Variants in SYMPK observed in about 807,000 individuals in gnomAD.
SYMPK encodes symplekin scaffold protein.
A neutral mutation model predicts 136.4 loss-of-function variants in SYMPK; 49 were observed. That is an observed-to-expected ratio of 0.36 (90% CI 0.29 to 0.46). The LOEUF (loss-of-function observed/expected upper bound fraction) is 0.46. Ranked by LOEUF, SYMPK falls within the 20% of genes least tolerant of loss-of-function variation. SYMPK has a pLI of 1.00. For synonymous variants in SYMPK, 766 were observed against 713.0 expected (o/e 1.07, Z -1.19); for missense variants, 1,365 against 1,690.0 (o/e 0.81, Z 3.37).
chr19:45,859,953 TAAA>T (rs61203536), intron 1 of SYMPK, among the ~76,000 whole-genome samples: 16 of 85,664 alleles, frequency 1.9e-4, no homozygotes, highest in African/African-American at 3.2e-4. Flanking sequence ...AGACTCCATC[TAAA>T]AAAAAAAAAA....
At chr19:45,851,202 G>A (rs533559489) in intron 5 of SYMPK, among the ~76,000 whole-genome samples, 11 of 152,282 alleles carry the variant, frequency 7.2e-5, no homozygotes, top group African/African-American at 2.2e-4. Flanking sequence ...AAATGAGTGC[G>A]GTGATTCCTC....
In SYMPK at chr19:45,829,221, G is replaced by T; in HGVS notation, c.1750-16C>A. The T allele has an allele frequency of 6.2e-7, 1 of 1,608,862 alleles. No individual in the cohort carries two copies. Among genetic ancestry groups the T allele is most frequent in the Admixed American group, 1.7e-5 (1 of 59,946 alleles). On this transcript the variant is annotated splice_polypyrimidine_tract_variant and intron_variant, in intron 13 of 26. Coordinates refer to ENST00000245934, the MANE Select transcript of SYMPK (RefSeq NM_004819.3). ...TTATGCGGACCTGGTGGGAGGGTGA[G>T]CCAGCATGTCAGTGTAGGGTGGGCA...
intron 7 of SYMPK, among the ~76,000 whole-genome samples, chr19:45,846,088 T>G (rs1261591307): frequency 2.0e-5 from 3 of 152,132 alleles, no homozygotes; most frequent in African/African-American, 7.2e-5. Flanking sequence ...TACAAAAAAT[T>G]AGCCGGGCGT....
rs141894331 is a variant in SYMPK at position 45,822,115 on chromosome 19, C to CTT, written c.2792-632_2792-631dup. ...TTTTTCTAAGTTGAAAGTTTTGCTT[C>CTT]TTTTTTTTTTTTTTTTTTTTTGAGA... On this transcript the variant is annotated intron_variant, in intron 21 of 26. Transcript: ENST00000245934. 2.3e-3 allele frequency among the ~76,000 whole-genome samples: 202 copies of CTT among 86,078 alleles called. 2 individuals are homozygous for CTT. The highest frequency in any genetic ancestry group is 4.8e-3 in the African/African-American group (104 of 21,764). The allele number at this position is 86,078 out of a possible 152,430, so 56.5% of individuals were successfully genotyped here.
At chr19:45,816,617 G>T in intron 24 of SYMPK, 40 bp from the exon 25 acceptor site, 1 of 1,611,662 alleles carries the variant, frequency 6.2e-7, no homozygotes. Context: ...GGGCAGCTCT[G>T]GCACAGAGAC....
At position 45,847,975 on chromosome 19, in the gene SYMPK, G is replaced by A. The variant is rs561782567; in HGVS notation, c.453C>T (p.Ser151=). ...LQWMVKSRVI[S]ELQEACWDMV... ...TGTCCCAGCAGGCCTCCTGTAGCTC[G>A]CTAATGACCCGTGACTTTACCATCC... Residue 151 remains serine (S), a synonymous_variant, in exon 7 of 27, where the codon AGC becomes AGT. Coordinates refer to ENST00000245934, the MANE Select transcript of SYMPK (RefSeq NM_004819.3). The A allele has an allele frequency of 1.4e-5, 23 of 1,600,144 alleles. No homozygotes were observed. Among genetic ancestry groups the A allele is most frequent in the South Asian group, 5.6e-5 (5 of 89,428 alleles).
At position 45,815,804 on chromosome 19, in the gene SYMPK, G is replaced by A. The variant is rs748269342; in HGVS notation, c.3687+47C>T. ...GCCCCTCCTCCCCCACCTTCACCCC[G>A]GCCCAGATCCGGCTTCTTCCTTCGC... On this transcript the variant is annotated intron_variant, in intron 26 of 26. Transcript: ENST00000245934. 4.4e-6 allele frequency: 7 copies of A among 1,591,632 alleles called. No homozygotes were observed. In the East Asian group the frequency reaches 9.0e-5, roughly 21 times the overall value.
At chr19:45,842,781 T>C (rs576431390) in intron 8 of SYMPK, 5 of 387,008 alleles carry the variant, frequency 1.3e-5, no homozygotes, top group African/African-American at 1.0e-4. Context: ...ATGCTTCGCT[T>C]GGGGAGGGTT....
At chr19:45,828,740 A>G (rs1211226857) in intron 14 of SYMPK, 14 of 577,350 alleles carry the variant, frequency 2.4e-5, no homozygotes, top group South Asian at 1.9e-4. Flanking sequence ...AGCTCAGAGC[A>G]AGTGGCAGAG....
intron 12 of SYMPK, chr19:45,830,999 G>C (rs1377519102): frequency 6.2e-6 from 1 of 160,094 alleles, no homozygotes; most frequent in East Asian, 1.8e-4. Flanking sequence ...ATGACAGCCA[G>C]TAGCATTTAC....
At chr19:45,828,697 CAG>C (rs995025584) in intron 14 of SYMPK, 115 of 513,138 alleles carry the variant, frequency 2.2e-4, no homozygotes, top group Non-Finnish European at 2.5e-5. Context: ...GGGAAAATGG[CAG>C]AGAGAGGGAG....
In SYMPK at chr19:45,815,682, C is replaced by T. The variant is rs1970710033; in HGVS notation, c.3703G>A (p.Gly1235Arg). The T allele has an allele frequency of 1.2e-6, 2 of 1,609,684 alleles. No homozygotes were observed. Among genetic ancestry groups the T allele is most frequent in the South Asian group, 1.1e-5 (1 of 90,562 alleles). The change falls in exon 27 of 27, where the codon GGG (glycine) becomes AGG (arginine). Residue 1235 changes from glycine to arginine, a missense_variant. By Grantham distance (125) the Gly-to-Arg change is moderately radical. Around this residue, in one of 11 missense-constraint regions of SYMPK, gnomAD observed 341 missense variants for 270.5 expected, o/e 1.26. Transcript: ENST00000245934. The stretch of plus-strand genomic sequence containing the variant: ...CTCCGCTCCTCCTTCAAGGTCAGCC[C>T]GCCCGCTGCCGTCTCCTGGTGACCG... ...GPLPKETAAG[G>R]LTLKEERSPQ...
chr19:45,840,329 AAAAAAAAAG>A (rs1600515981), intron 9 of SYMPK, among the ~76,000 whole-genome samples: 1 of 140,718 alleles, frequency 7.1e-6, no homozygotes, highest in Non-Finnish European at 1.5e-5. Flanking sequence ...AAAAAAAAAA[AAAAAAAAAG>A]ACAAATTTGG....
chr19:45,845,364 T>G (rs966824495), intron 7 of SYMPK, among the ~76,000 whole-genome samples: 1 of 152,164 alleles, frequency 6.6e-6, no homozygotes, highest in African/African-American at 2.4e-5. Flanking sequence ...ATTACCCTTT[T>G]CAGCCTCTGG....
chr19:45,828,932 C>A (rs780418921), intron 14 of SYMPK, 38 bp downstream of exon 14: 41 of 1,597,594 alleles, frequency 2.6e-5, no homozygotes, highest in Non-Finnish European at 3.4e-5. Flanking sequence ...GAGAGGAAGC[C>A]TCTCGGGGAC....
intron 16 of SYMPK, 32 bp downstream of exon 16, chr19:45,827,478 G>A (rs1971070301): frequency 6.4e-7 from 1 of 1,559,828 alleles, no homozygotes; most frequent in Non-Finnish European, 8.8e-7. Flanking sequence ...GCTGCAGGCT[G>A]AGGGCAGCCA....
At chr19:45,846,899 T>A (rs943551589) in intron 7 of SYMPK, among the ~76,000 whole-genome samples, 6 of 151,828 alleles carry the variant, frequency 4.0e-5, no homozygotes, top group African/African-American at 1.5e-4. Flanking sequence ...GTTCAAGCGA[T>A]TCTCGTGCCT....
At chr19:45,848,104 G>C in intron 6 of SYMPK, 103 bp from the exon 7 acceptor site, 1 of 1,327,796 alleles carries the variant, frequency 7.5e-7, no homozygotes. Context: ...CATGAATGAT[G>C]AATACATTCA....
intron 2 of SYMPK, 70 bp downstream of exon 2, chr19:45,854,321 C>A: frequency 6.2e-7 from 1 of 1,605,702 alleles, no homozygotes. Flanking sequence ...CAGGGCTCTG[C>A]CACCTAAACA....
Sources: gnomAD v4.1 joint callset for allele counts (sites outside exome capture counted in the v4.1 genomes callset) on GRCh38, gnomAD v4.1.1 for gene constraint, gnomAD v4.1.1 regional missense constraint, MANE v1.5 for transcripts, NCBI Gene and HGNC (gene_info 2026-07-23, HGNC 2026-07-21) for gene names.